The following GSK3B variants were observed in gnomAD, a reference collection of about 807,000 sequenced individuals.
The protein encoded by GSK3B is glycogen synthase kinase-3 beta.
In GSK3B, 15 loss-of-function variants were observed where a neutral mutation model predicts 56.4. The observed-to-expected ratio is 0.27, with a 90% CI of 0.18 to 0.41. The LOEUF (loss-of-function observed/expected upper bound fraction) is 0.41, where lower values mean the gene tolerates loss of function less well. GSK3B is among the 10% of genes least tolerant of loss of function. The pLI, the probability that GSK3B is intolerant of heterozygous loss-of-function variation, is 1.00. For missense variants in GSK3B, 300 were observed against 513.4 expected, an observed-to-expected ratio of 0.58 and a Z score of 4.02; for synonymous variants, 181 against 188.9, an observed-to-expected ratio of 0.96 and a Z score of 0.34.
At chr3:120,087,596 T>C (rs1256150341) in intron 1 of GSK3B, among the ~76,000 whole-genome samples, 2 of 152,098 alleles carry the variant, frequency 1.3e-5, no homozygotes, top group African/African-American at 2.4e-5. Context: ...GAAATTAACC[T>C]TAGACCATGT....
At chr3:120,045,504 T>TA (rs908173800) in intron 1 of GSK3B, among the ~76,000 whole-genome samples, 24 of 148,756 alleles carry the variant, frequency 1.6e-4, no homozygotes, top group South Asian at 1.3e-3. Context: ...CTTCCTTATT[T>TA]AAAAAAAAAA....
chr3:120,000,748 T>C (rs550874185), intron 2 of GSK3B, among the ~76,000 whole-genome samples: 208 of 136,436 alleles, frequency 1.5e-3, no homozygotes, highest in South Asian at 2.7e-3. Flanking sequence ...AAAATGAAAA[T>C]ACATGACGAG....
At chr3:119,951,012 T>C (rs765608344) in intron 2 of GSK3B, among the ~76,000 whole-genome samples, 4 of 152,128 alleles carry the variant, frequency 2.6e-5, no homozygotes. Flanking sequence ...GAAAGGCCCA[T>C]AGCTCTGCTA....
At position 120,093,522 on chromosome 3, in the gene GSK3B, G is replaced by T; in HGVS notation, c.-88C>A. On this transcript the variant is annotated 5_prime_UTR_variant, in exon 1 of 11. Coordinates refer to ENST00000264235, the MANE Select transcript of GSK3B (RefSeq NM_001146156.2). ...TTGGGGTGTTAGGTTAACGATAAAT[G>T]CAGCATTAAGTTCTCCCACAGAAGA... The T allele has an allele frequency of 1.2e-6, 1 of 828,002 alleles. No individual in the cohort carries two copies. Among genetic ancestry groups the T allele is most frequent in the Non-Finnish European group, 2.1e-6 (1 of 481,800 alleles). 51.3% of individuals were successfully genotyped at this position (828,002 alleles called of 1,614,324 possible).
At chr3:119,936,147 C>T (rs75525115) in intron 3 of GSK3B, among the ~76,000 whole-genome samples, 2,420 of 151,872 alleles carry the variant, frequency 0.016, 61 homozygotes, top group African/African-American at 0.055. Flanking sequence ...AGACTGAATG[C>T]TTTGCCACTA....
chr3:120,053,117 A>G lies in GSK3B; in HGVS notation c.88+40230T>C, dbSNP rs553018811. Among the ~76,000 whole-genome samples, 20 of 152,250 alleles carry G rather than the reference A, an allele frequency of 1.3e-4. No individual in the cohort carries two copies. In the South Asian group the frequency reaches 4.1e-3, roughly 32 times the overall value. On this transcript the variant is annotated intron_variant, in intron 1 of 10. Coordinates refer to ENST00000264235, the MANE Select transcript of GSK3B (RefSeq NM_001146156.2). ...TTTGGGAGGCCGAGGTGGGTGGATC[A>G]CCTGAGGTCAGGAGTTCGAGACCAG...
intron 7 of GSK3B, among the ~76,000 whole-genome samples, chr3:119,894,165 T>C (rs1392561386): frequency 6.6e-6 from 1 of 152,138 alleles, no homozygotes; most frequent in South Asian, 2.1e-4. Flanking sequence ...CATTTTCTTA[T>C]CTATTCATCA....
In GSK3B at chr3:120,093,817, G is replaced by A. The variant is rs201252906; in HGVS notation, c.-383C>T. 3 of 198,528 alleles carry A rather than the reference G, an allele frequency of 1.5e-5. No individual in the cohort carries two copies. Among genetic ancestry groups the A allele is most frequent in the Non-Finnish European group, 3.1e-5 (3 of 96,884 alleles). 12.3% of individuals were successfully genotyped at this position (198,528 alleles called of 1,614,324 possible). On this transcript the variant is annotated 5_prime_UTR_variant, in exon 1 of 11. Coordinates refer to ENST00000264235, the MANE Select transcript of GSK3B (RefSeq NM_001146156.2). ...CTTCGAATATTATATTTTCCTCGGG[G>A]ATTTTTTTTCCGAGTCAATGAAGAA...
At chr3:120,048,678 A>G (rs1008640506) in intron 1 of GSK3B, among the ~76,000 whole-genome samples, 7 of 152,196 alleles carry the variant, frequency 4.6e-5, no homozygotes, top group Non-Finnish European at 1.0e-4. Flanking sequence ...TGCTGCTACT[A>G]GGAGTCCTAC....
chr3:119,900,094 A>G (rs1200430665), intron 7 of GSK3B, among the ~76,000 whole-genome samples: 1 of 152,126 alleles, frequency 6.6e-6, no homozygotes, highest in Admixed American at 6.6e-5. Context: ...TAGTTTAGTA[A>G]AGCTGTATTA....
intron 9 of GSK3B, 76 bp downstream of exon 9, chr3:119,863,343 A>C (rs1209306531): frequency 4.2e-6 from 5 of 1,179,078 alleles, no homozygotes; most frequent in African/African-American, 1.5e-5. Context: ...CACAGATTTT[A>C]ATTAATAGAA....
chr3:119,875,527 ACACACACACACACACACACAG>A (rs1488902134), intron 8 of GSK3B, among the ~76,000 whole-genome samples: 2 of 151,334 alleles, frequency 1.3e-5, no homozygotes, highest in Non-Finnish European at 3.0e-5. Context: ...ACACACACAC[ACACACACACACACACACACAG>A]AAGTTTAATC....
intron 2 of GSK3B, among the ~76,000 whole-genome samples, chr3:119,960,639 G>GC (rs980884384): frequency 1.3e-5 from 2 of 152,038 alleles, no homozygotes; most frequent in Non-Finnish European, 2.9e-5. Context: ...CTGAATATCA[G>GC]CCCCCCTCAC....
intron 1 of GSK3B, among the ~76,000 whole-genome samples, chr3:120,036,547 C>T (rs778084155): frequency 2.0e-5 from 3 of 152,110 alleles, no homozygotes; most frequent in Non-Finnish European, 2.9e-5. Flanking sequence ...AATCTCAGCA[C>T]TTTGGGAAGC....
intron 1 of GSK3B, among the ~76,000 whole-genome samples, chr3:120,089,813 T>G (rs1031651343): frequency 2.4e-4 from 37 of 152,154 alleles, no homozygotes; most frequent in African/African-American, 8.9e-4. Flanking sequence ...AAAAACTTTA[T>G]AAACATTTAT....
At chr3:120,038,346 C>T (rs2058038848) in intron 1 of GSK3B, among the ~76,000 whole-genome samples, 1 of 152,176 alleles carries the variant, frequency 6.6e-6, no homozygotes, top group Admixed American at 6.5e-5. Context: ...GGGTGTGCTC[C>T]TTGAACCCAA....
chr3:119,870,128 C>A (rs1274282944), intron 8 of GSK3B, among the ~76,000 whole-genome samples: 1 of 152,226 alleles, frequency 6.6e-6, no homozygotes, highest in Non-Finnish European at 1.5e-5. Context: ...CCTTCAACAT[C>A]CCACCTCATG....
intron 8 of GSK3B, among the ~76,000 whole-genome samples, chr3:119,873,698 A>G (rs1205669495): frequency 1.3e-5 from 2 of 152,182 alleles, no homozygotes; most frequent in Admixed American, 6.5e-5. Flanking sequence ...AACCAACACA[A>G]GCATATTCTC....
intron 10 of GSK3B, among the ~76,000 whole-genome samples, chr3:119,834,332 T>C (rs2055654818): frequency 6.6e-6 from 1 of 152,194 alleles, no homozygotes; most frequent in African/African-American, 2.4e-5. Flanking sequence ...AAACTTATAT[T>C]TAATTTGAAA....
Sources: gnomAD v4.1 joint callset for allele counts (sites outside exome capture counted in the v4.1 genomes callset) on GRCh38, gnomAD v4.1.1 for gene constraint, MANE v1.5 for transcripts, NCBI Gene and HGNC (gene_info 2026-07-23, HGNC 2026-07-21) for gene names.